The following PSD3 variants were observed in gnomAD, a reference collection of about 807,000 sequenced individuals.
PSD3 encodes the protein pleckstrin and Sec7 domain containing 3, also known as PH and SEC7 domain-containing protein 3.
In PSD3, 49 loss-of-function variants were observed where a neutral mutation model predicts 105.5. That is an observed-to-expected ratio of 0.46 (90% CI 0.37 to 0.59). PSD3 has a LOEUF of 0.59. Among genes scored for constraint, PSD3 ranks in the 20% least tolerant of loss-of-function variants. The pLI is 0.00. For missense variants in PSD3, 1,561 were observed against 1,263.8 expected, an observed-to-expected ratio of 1.24 and a Z score of -3.57; for synonymous variants, 557 against 457.8, an observed-to-expected ratio of 1.22 and a Z score of -2.77.
intron 1 of PSD3, among the ~76,000 whole-genome samples, chr8:18,954,898 A>G (rs1041715132): frequency 2.6e-5 from 4 of 152,144 alleles, no homozygotes; most frequent in African/African-American, 7.2e-5. Flanking sequence ...CCCAAGTTCA[A>G]TGAACTGCAT....
chr8:19,078,612 C>T (rs927390801), intron 1 of PSD3, among the ~76,000 whole-genome samples: 1 of 151,996 alleles, frequency 6.6e-6, no homozygotes, highest in Non-Finnish European at 1.5e-5. Flanking sequence ...CATGGTGTAA[C>T]CATCTTCAGG....
At chr8:18,852,748 A>G (rs1052839871) in intron 4 of PSD3, among the ~76,000 whole-genome samples, 6 of 152,200 alleles carry the variant, frequency 3.9e-5, no homozygotes, top group African/African-American at 1.4e-4. Context: ...CCACAACTTC[A>G]AATTCATCAC....
chr8:18,703,188 C>T (rs575089161), intron 9 of PSD3, among the ~76,000 whole-genome samples: 229 of 152,250 alleles, frequency 1.5e-3, no homozygotes, highest in African/African-American at 5.1e-3. Flanking sequence ...TGCCTCGTCA[C>T]GAGGGCTTTT....
chr8:18,925,098 G>A (rs1173156112), intron 2 of PSD3, among the ~76,000 whole-genome samples: 1 of 152,198 alleles, frequency 6.6e-6, no homozygotes, highest in Non-Finnish European at 1.5e-5. Context: ...CTTGTATACA[G>A]ATTATAGAAA....
Position 18,528,227 on chromosome 8 carries a change from G to C in PSD3, c.*7516C>G, listed in dbSNP as rs1799502003. On this transcript the variant is annotated 3_prime_UTR_variant, in exon 16 of 16. Coordinates refer to ENST00000327040, the MANE Select transcript of PSD3 (RefSeq NM_015310.4). ...TTACCTAACAGCTCTGATCTGGACT[G>C]AACAAAGCTGCTAAGCTAGCACTTG... 1 of 152,186 alleles carries C rather than the reference G, an allele frequency of 6.6e-6. No homozygotes were observed. The highest frequency in any genetic ancestry group is 6.5e-5 in the Admixed American group (1 of 15,280). 9.4% of individuals were successfully genotyped at this position (152,186 alleles called of 1,614,324 possible).
chr8:19,061,691 G>T (rs754644783), intron 1 of PSD3, among the ~76,000 whole-genome samples: 2 of 151,838 alleles, frequency 1.3e-5, no homozygotes, highest in Non-Finnish European at 2.9e-5. Flanking sequence ...TGTAATCCCA[G>T]CTACTCAGAA....
chr8:18,584,067 C>G (rs79498766), intron 12 of PSD3, among the ~76,000 whole-genome samples: 2,857 of 152,212 alleles, frequency 0.019, 98 homozygotes, highest in African/African-American at 0.064. Flanking sequence ...GTTCCACATA[C>G]TTCATGGTTT....
At position 18,572,471 on chromosome 8, in the gene PSD3, T is replaced by C. The variant is rs567599544; in HGVS notation, c.2784+57A>G. 7 of 1,571,192 alleles carry C rather than the reference T, an allele frequency of 4.5e-6. No individual in the cohort carries two copies. The African/African-American group carries it at 8.1e-5, about 18-fold the overall frequency. ...ACTACTATCCAAAGACAAATATTTATCACATTATTTTACAAAGTACTTTTT... is the reference window on the plus strand; with the variant it reads ...ACTACTATCCAAAGACAAATATTTACCACATTATTTTACAAAGTACTTTTT... On this transcript the variant is annotated intron_variant, in intron 14 of 15. Coordinates refer to ENST00000327040, the MANE Select transcript of PSD3 (RefSeq NM_015310.4).
intron 14 of PSD3, among the ~76,000 whole-genome samples, chr8:18,565,388 C>G (rs752699517): frequency 5.3e-4 from 81 of 152,270 alleles, no homozygotes; most frequent in Admixed American, 2.0e-3. Context: ...TCTGGCAGCA[C>G]TGTCATGAAA....
intron 9 of PSD3, among the ~76,000 whole-genome samples, chr8:18,745,485 G>A (rs1316131327): frequency 6.6e-6 from 1 of 152,094 alleles, no homozygotes; most frequent in Non-Finnish European, 1.5e-5. Context: ...GGCTAGGTTG[G>A]CCTTCTGGCA....
intron 1 of PSD3, chr8:18,979,573 T>A (rs769320414): frequency 8.5e-5 from 13 of 152,250 alleles, no homozygotes; most frequent in Non-Finnish European, 1.8e-4. Context: ...GTGAAGCATT[T>A]ATTTTTATAT....
chr8:18,756,211 C>A, intron 9 of PSD3, among the ~76,000 whole-genome samples: 1 of 151,360 alleles, frequency 6.6e-6, no homozygotes, highest in East Asian at 1.9e-4. Flanking sequence ...ACAGTTGATG[C>A]TCTTTTTTTA....
At chr8:18,964,947 T>C (rs1171620520) in intron 1 of PSD3, among the ~76,000 whole-genome samples, 3 of 152,202 alleles carry the variant, frequency 2.0e-5, no homozygotes, top group Non-Finnish European at 2.9e-5. Flanking sequence ...CTAAAATATT[T>C]AATATAAACT....
chr8:18,535,852 G>A lies in PSD3; in HGVS notation c.3035C>T (p.Pro1012Leu). 2 of 1,614,136 alleles carry A rather than the reference G, an allele frequency of 1.2e-6. No homozygotes were observed. Among genetic ancestry groups the A allele is most frequent in the Middle Eastern group, 1.6e-4 (1 of 6,062 alleles). ...TGGAGAAGTATCCGGGTTCAGCGAA[G>A]GACTCGAGTGCGACTTCTTCAGTCC... ...AAGLKKSHSS[P>L]SLNPDTSPIT... Residue 1012 changes from proline to leucine, a missense_variant, in exon 16 of 16, where the codon CCT (proline) becomes CTT (leucine). Physicochemically the swap from Pro to Leu is moderately conservative, Grantham distance 98. Transcript: ENST00000327040.
chr8:18,546,061 T>C (rs1800432516), intron 15 of PSD3, among the ~76,000 whole-genome samples: 1 of 152,316 alleles, frequency 6.6e-6, no homozygotes, highest in African/African-American at 2.4e-5. Flanking sequence ...AGTGCAATGG[T>C]GCGATCTTGG....
At position 18,850,781 on chromosome 8, in the gene PSD3, G is replaced by A. The variant is rs530437129; in HGVS notation, c.1634+16893C>T. Among the ~76,000 whole-genome samples, 15 of 152,246 alleles carry A rather than the reference G, an allele frequency of 9.9e-5. 1 individual carries two copies. In the South Asian group the frequency reaches 3.1e-3, roughly 32 times the overall value. On this transcript the variant is annotated intron_variant, in intron 4 of 15. Coordinates refer to ENST00000327040, the MANE Select transcript of PSD3 (RefSeq NM_015310.4). ...CATGAGAGGACGCGACTCTTCCCAAGTCTCACCATCAATAGCAGAGTTGGA... is the reference window on the plus strand; with the variant it reads ...CATGAGAGGACGCGACTCTTCCCAAATCTCACCATCAATAGCAGAGTTGGA...
At chr8:19,060,148 T>A (rs886448622) in intron 1 of PSD3, among the ~76,000 whole-genome samples, 1 of 152,190 alleles carries the variant, frequency 6.6e-6, no homozygotes, top group Non-Finnish European at 1.5e-5. Context: ...CACCTGTGAA[T>A]AACATCAGCT....
At chr8:18,701,975 A>T (rs930252716) in intron 9 of PSD3, among the ~76,000 whole-genome samples, 7 of 152,228 alleles carry the variant, frequency 4.6e-5, no homozygotes, top group African/African-American at 1.2e-4. Context: ...GTGAAATTAC[A>T]TGAAAGAGCT....
In PSD3 at chr8:18,872,633, C is replaced by T. The variant is rs1817466493; in HGVS notation, c.231G>A (p.Leu77=). 2 of 1,613,960 alleles carry T rather than the reference C, an allele frequency of 1.2e-6. No homozygotes were observed. Among genetic ancestry groups the T allele is most frequent in the Non-Finnish European group, 1.7e-6 (2 of 1,179,974 alleles). ...ATGGCAGAGCCTCACCATCAAATTC[C>T]AGAGAAGCCCTTAGGCCTTCTCCAC... ...EEGGEGLRAS[L]EFDGEALPCH... The change falls in exon 3 of 16, where the codon CTG becomes CTA. Residue 77 remains leucine, a synonymous_variant. Transcript: ENST00000327040.
Sources: allele counts gnomAD v4.1 joint callset (sites outside exome capture counted in the v4.1 genomes callset), GRCh38; gene constraint gnomAD v4.1.1; transcripts MANE v1.5; gene names NCBI Gene and HGNC (gene_info 2026-07-23, HGNC 2026-07-21).